The following PTER variants were observed in gnomAD, a reference collection of about 807,000 sequenced individuals.
PTER encodes phosphotriesterase related, also known as N-acetyltaurine hydrolase.
PTER carries 38 observed loss-of-function variants against 29.6 expected under a neutral mutation model. The ratio of observed to expected loss-of-function variants is 1.28; its 90% CI spans 0.99 to 1.68. The LOEUF (loss-of-function observed/expected upper bound fraction) is 1.68, where lower values mean the gene tolerates loss of function less well. PTER is among the 40% of genes most tolerant of loss of function. The pLI is 0.00. For missense variants in PTER, 482 were observed against 427.8 expected (o/e 1.13, Z -1.12); for synonymous variants, 172 against 154.5 (o/e 1.11, Z -0.84).
At chr10:16,482,381 A>C (rs1835513386) in intron 1 of PTER, among the ~76,000 whole-genome samples, 1 of 152,196 alleles carries the variant, frequency 6.6e-6, no homozygotes, top group African/African-American at 2.4e-5. Flanking sequence ...CTTTCTCTGA[A>C]AAGAAATAAT....
intron 1 of PTER, among the ~76,000 whole-genome samples, chr10:16,437,826 G>C (rs1293614816): frequency 6.6e-6 from 1 of 152,138 alleles, no homozygotes; most frequent in East Asian, 1.9e-4. Context: ...TGACTCCACA[G>C]CCAGTGTGCT....
rs1358679757 is a variant in PTER at position 16,511,041 on chromosome 10, C to T, written c.840-5C>T. The T allele has an allele frequency of 3.7e-6, 6 of 1,608,824 alleles. No homozygotes were observed. In the African/African-American group the frequency reaches 8.0e-5, roughly 22 times the overall value. On this transcript the variant is annotated splice_polypyrimidine_tract_variant and splice_region_variant and intron_variant, in intron 4 of 4. Coordinates refer to ENST00000535784, the MANE Select transcript of PTER (RefSeq NM_001261836.2). ...TGACATCTAATGAGTTAACATTTTT[C>T]ACAGGGTGCGTCTCCTGGTGGAAGA...
intron 1 of PTER, among the ~76,000 whole-genome samples, chr10:16,469,594 A>T (rs534345870): frequency 2.0e-5 from 3 of 152,202 alleles, no homozygotes; most frequent in African/African-American, 7.2e-5. Flanking sequence ...GGAGTCTTGG[A>T]TGAAATCTGA....
intron 1 of PTER, among the ~76,000 whole-genome samples, chr10:16,452,628 C>T (rs1409901823): frequency 1.3e-5 from 2 of 151,458 alleles, no homozygotes; most frequent in Non-Finnish European, 2.9e-5. Flanking sequence ...CTCTCCTCCT[C>T]CTCCTCCTTC....
At chr10:16,461,461 G>T (rs900608032) in intron 1 of PTER, among the ~76,000 whole-genome samples, 7 of 152,094 alleles carry the variant, frequency 4.6e-5, no homozygotes, top group Non-Finnish European at 2.9e-5. Flanking sequence ...CCATCTCAAA[G>T]ACCAGGAAAG....
intron 3 of PTER, among the ~76,000 whole-genome samples, chr10:16,498,124 C>G (rs1476415300): frequency 1.3e-5 from 2 of 152,322 alleles, no homozygotes; most frequent in Admixed American, 1.3e-4. Context: ...AATGACATTG[C>G]AATCATTTCA....
At chr10:16,458,419 C>T (rs1042317466) in intron 1 of PTER, among the ~76,000 whole-genome samples, 15 of 152,018 alleles carry the variant, frequency 9.9e-5, no homozygotes, top group Non-Finnish European at 1.8e-4. Context: ...TAGTGATGGG[C>T]GATTACCATA....
At position 16,505,012 on chromosome 10, in the gene PTER, GT is replaced by G; in HGVS notation, c.699-5del. ...ATAATAACAGTTCATCTGTCGCATT[GT>G]TTCTAGGACTATTCTTGATAAGAAA... On this transcript the variant is annotated splice_polypyrimidine_tract_variant and splice_region_variant and intron_variant, in intron 3 of 4. Coordinates refer to ENST00000535784, the MANE Select transcript of PTER (RefSeq NM_001261836.2). The G allele has an allele frequency of 6.2e-7, 1 of 1,613,356 alleles. No homozygotes were observed. The highest frequency in any genetic ancestry group is 2.2e-5 in the East Asian group (1 of 44,854).
intron 1 of PTER, among the ~76,000 whole-genome samples, chr10:16,464,456 A>G (rs528284488): frequency 6.6e-6 from 1 of 152,276 alleles, no homozygotes; most frequent in South Asian, 2.1e-4. Flanking sequence ...AGGGGGGAAA[A>G]CAGTATTTAT....
At chr10:16,514,981 A>T (rs544762907), downstream of PTER, among the ~76,000 whole-genome samples, 3 of 152,250 alleles carry the variant, frequency 2.0e-5, no homozygotes, top group Admixed American at 6.5e-5. Context: ...CATACAATTT[A>T]TTATCTTCCT....
intron 1 of PTER, among the ~76,000 whole-genome samples, chr10:16,467,541 G>A (rs1173659769): frequency 6.6e-6 from 1 of 152,222 alleles, no homozygotes; most frequent in African/African-American, 2.4e-5. Flanking sequence ...GCCGGGCTCA[G>A]TGACTCATGC....
intron 1 of PTER, among the ~76,000 whole-genome samples, chr10:16,463,166 C>G (rs1251946632): frequency 6.9e-6 from 1 of 144,052 alleles, no homozygotes; most frequent in African/African-American, 2.6e-5. Flanking sequence ...GCACTCCATA[C>G]TCCAGCCTGG....
At chr10:16,508,611 T>C (rs905818661) in intron 4 of PTER, among the ~76,000 whole-genome samples, 8 of 152,184 alleles carry the variant, frequency 5.3e-5, no homozygotes, top group African/African-American at 1.9e-4. Flanking sequence ...TAGCCATTTG[T>C]TTACCCTTTA....
intron 1 of PTER, among the ~76,000 whole-genome samples, chr10:16,439,761 T>G (rs189236163): frequency 6.6e-6 from 1 of 152,246 alleles, no homozygotes; most frequent in African/African-American, 2.4e-5. Context: ...GGGGGTCTTG[T>G]TTTGTTGCCC....
intron 1 of PTER, among the ~76,000 whole-genome samples, chr10:16,464,587 G>A (rs548457991): frequency 6.6e-6 from 1 of 152,282 alleles, no homozygotes; most frequent in African/African-American, 2.4e-5. Flanking sequence ...CCAAGCCCTT[G>A]TGTCAGTATT....
At chr10:16,486,985 G>T (rs921570507) in intron 3 of PTER, among the ~76,000 whole-genome samples, 1 of 152,168 alleles carries the variant, frequency 6.6e-6, no homozygotes, top group Non-Finnish European at 1.5e-5. Context: ...TTTACCAGTA[G>T]TTGGAGTAAT....
chr10:16,491,179 C>T (rs574152369), intron 3 of PTER, among the ~76,000 whole-genome samples: 88 of 152,256 alleles, frequency 5.8e-4, no homozygotes, highest in African/African-American at 2.0e-3. Flanking sequence ...GCCATCCATT[C>T]TGTACCTATC....
chr10:16,510,853 G>A (rs1006099746), intron 4 of PTER, among the ~76,000 whole-genome samples, 193 bp from the exon 5 acceptor site: 1 of 152,158 alleles, frequency 6.6e-6, no homozygotes, highest in African/African-American at 2.4e-5. Context: ...ATAAGGATAT[G>A]TTCCTGCTAG....
intron 1 of PTER, among the ~76,000 whole-genome samples, chr10:16,450,856 G>C (rs1834181964): frequency 6.6e-6 from 1 of 152,144 alleles, no homozygotes; most frequent in Non-Finnish European, 1.5e-5. Context: ...TAAACCCCTT[G>C]CCCCTCATGA....
Sources: allele counts gnomAD v4.1 joint callset (sites outside exome capture counted in the v4.1 genomes callset), GRCh38; gene constraint gnomAD v4.1.1; transcripts MANE v1.5; gene names NCBI Gene and HGNC (gene_info 2026-07-23, HGNC 2026-07-21).